The following ADCY9 variants were observed in gnomAD, a reference collection of about 807,000 sequenced individuals.
ADCY9 encodes adenylate cyclase type 9.
In ADCY9, 50 loss-of-function variants were observed where a neutral mutation model predicts 101.5. The observed-to-expected ratio is 0.49, with a 90% CI of 0.39 to 0.62. ADCY9 has a LOEUF of 0.62. Among genes scored for constraint, ADCY9 ranks in the 20% least tolerant of loss-of-function variants. ADCY9 has a pLI of 0.00. For missense variants in ADCY9, 1,662 were observed against 1,800.4 expected, an observed-to-expected ratio of 0.92 and a Z score of 1.39; for synonymous variants, 905 against 769.3, an observed-to-expected ratio of 1.18 and a Z score of -2.92.
chr16:4,047,641 T>C (rs1481266980), intron 2 of ADCY9, among the ~76,000 whole-genome samples: 1 of 152,068 alleles, frequency 6.6e-6, no homozygotes, highest in Non-Finnish European at 1.5e-5. Context: ...TCTGTCTGCA[T>C]GACCAATCAG....
intron 5 of ADCY9, among the ~76,000 whole-genome samples, chr16:3,954,887 G>A (rs1022785492): frequency 1.3e-5 from 2 of 152,162 alleles, no homozygotes; most frequent in Admixed American, 1.3e-4. Flanking sequence ...CGAGGTAGAG[G>A]CTGAGGGGGA....
intron 2 of ADCY9, among the ~76,000 whole-genome samples, chr16:4,016,212 A>G (rs1325029997): frequency 1.3e-5 from 2 of 152,224 alleles, no homozygotes; most frequent in Non-Finnish European, 2.9e-5. Flanking sequence ...AGAAGCAACA[A>G]ATGGCACTTC....
chr16:4,048,292 TA>T (rs2056679222), intron 2 of ADCY9, among the ~76,000 whole-genome samples: 1 of 152,214 alleles, frequency 6.6e-6, no homozygotes, highest in Non-Finnish European at 1.5e-5. Context: ...AAGTCTTTGT[TA>T]AAAGTAACCA....
At chr16:4,090,180 C>T (rs943369873) in intron 2 of ADCY9, among the ~76,000 whole-genome samples, 2 of 152,040 alleles carry the variant, frequency 1.3e-5, no homozygotes, top group African/African-American at 4.8e-5. Flanking sequence ...CTGGAGCAGG[C>T]CCCCCACGCC....
Position 3,965,855 on chromosome 16 carries a change from T to C in ADCY9, c.3982A>G (p.Ile1328Val), listed in dbSNP as rs2055987095. The change falls in exon 11 of 11, where the codon ATA (isoleucine) becomes GTA (valine). Residue 1328 changes from isoleucine (I) to valine (V), a missense_variant. Physicochemically the swap from Ile to Val is conservative, Grantham distance 29. This residue lies in a region of ADCY9 where 168 missense variants were observed against 155.3 expected (regional missense o/e 1.08). Coordinates refer to ENST00000294016, the MANE Select transcript of ADCY9 (RefSeq NM_001116.4). ...GTTTCGTCACAGTCGTCTTTCTCTA[T>C]GGCTTTGCCAAATCGACCCCTTTCT... is the stretch of plus-strand genomic sequence containing the variant. ...AEERGRFGKA[I>V]EKDDCDETGI... 8 of 1,614,234 alleles carry C rather than the reference T, an allele frequency of 5.0e-6. No individual in the cohort carries two copies. Among genetic ancestry groups the C allele is most frequent in the Admixed American group, 1.7e-5 (1 of 60,030 alleles).
chr16:4,021,260 C>T (rs187271464), intron 2 of ADCY9, among the ~76,000 whole-genome samples: 2 of 152,316 alleles, frequency 1.3e-5, no homozygotes, highest in East Asian at 1.9e-4. Context: ...TTAACTAGGC[C>T]TGAAGCCACA....
intron 10 of ADCY9, among the ~76,000 whole-genome samples, chr16:3,968,639 G>A (rs964021754): frequency 6.6e-6 from 1 of 152,062 alleles, no homozygotes; most frequent in African/African-American, 2.4e-5. Context: ...TCCAGCACTC[G>A]GAAATTCTGT....
chr16:3,988,330 T>A (rs2056212208), intron 6 of ADCY9, among the ~76,000 whole-genome samples: 1 of 151,816 alleles, frequency 6.6e-6, no homozygotes, highest in Non-Finnish European at 1.5e-5. Flanking sequence ...TCCTGGGCCC[T>A]TCTCAGGGGA....
At chr16:3,980,192 T>A (rs574613136) in intron 7 of ADCY9, among the ~76,000 whole-genome samples, 37 of 152,360 alleles carry the variant, frequency 2.4e-4, no homozygotes, top group Admixed American at 1.9e-3. Context: ...TAAAAGACTT[T>A]GTCCTTCTAA....
chr16:4,049,767 C>T (rs1375055340), intron 2 of ADCY9, among the ~76,000 whole-genome samples: 1 of 152,126 alleles, frequency 6.6e-6, no homozygotes. Flanking sequence ...TAAGGGAGGC[C>T]TTTTTCTTAG....
chr16:4,040,872 C>G (rs2056622167), intron 2 of ADCY9, among the ~76,000 whole-genome samples: 1 of 152,142 alleles, frequency 6.6e-6, no homozygotes, highest in African/African-American at 2.4e-5. Flanking sequence ...TTGTGTAGTA[C>G]TTTTCATTTC....
At chr16:4,060,028 G>C (rs975983189) in intron 2 of ADCY9, among the ~76,000 whole-genome samples, 1 of 152,204 alleles carries the variant, frequency 6.6e-6, no homozygotes, top group Admixed American at 6.5e-5. Context: ...CATCTACCAG[G>C]GTGGGACGAG....
In ADCY9 at chr16:3,965,940, C is replaced by T. The variant is rs146633008; in HGVS notation, c.3897G>A (p.Thr1299=). The change falls in exon 11 of 11, where the codon ACG becomes ACA. Residue 1299 remains threonine, a synonymous_variant. Coordinates refer to ENST00000294016, the MANE Select transcript of ADCY9 (RefSeq NM_001116.4). ...DKTSLGSDSS[T]QAKDAHLSPK... ...GGGACAGGTGGGCATCCTTGGCCTG[C>T]GTGCTGCTGTCAGAACCCAGAGATG... is the stretch of plus-strand genomic sequence containing the variant. The T allele has an allele frequency of 1.3e-4, 204 of 1,614,182 alleles. 1 individual carries two copies. Among genetic ancestry groups the T allele is most frequent in the East Asian group, 5.3e-4 (24 of 44,874 alleles).
intron 2 of ADCY9, among the ~76,000 whole-genome samples, chr16:4,092,067 A>C (rs1037203712): frequency 2.0e-5 from 3 of 152,236 alleles, no homozygotes; most frequent in African/African-American, 7.2e-5. Context: ...CCAGGAGTAC[A>C]AGGCCAGCCT....
chr16:3,986,337 C>G (rs4786451), intron 6 of ADCY9, among the ~76,000 whole-genome samples: 1 of 152,106 alleles, frequency 6.6e-6, no homozygotes, highest in Admixed American at 6.5e-5. Flanking sequence ...TCCTCCCCAC[C>G]GGGACCCTGT....
intron 2 of ADCY9, among the ~76,000 whole-genome samples, chr16:4,034,860 C>A (rs2056579172): frequency 1.3e-5 from 2 of 152,202 alleles, no homozygotes; most frequent in African/African-American, 4.8e-5. Context: ...ACCTTGCCGG[C>A]TGGAAGCAAG....
At position 4,097,528 on chromosome 16, in the gene ADCY9, CAT is replaced by C. The variant is rs1166805300; in HGVS notation, c.1693+16220_1693+16221del. 8.4e-3 allele frequency among the ~76,000 whole-genome samples: 543 copies of C among 64,492 alleles called. 24 individuals carry two copies. The highest frequency in any genetic ancestry group is 0.013 in the Middle Eastern group (1 of 78). The allele number at this position is 64,492 out of a possible 152,430, so 42.3% of individuals were successfully genotyped here. A position where few individuals can be genotyped will look rare whatever the true frequency, so the allele number is the denominator to read the frequency against. ...ATATATATGTATAAATACATATGTA[CAT>C]ATATATATATATATATATATATATT... On this transcript the variant is annotated intron_variant, in intron 2 of 10. Coordinates refer to ENST00000294016, the MANE Select transcript of ADCY9 (RefSeq NM_001116.4).
intron 2 of ADCY9, among the ~76,000 whole-genome samples, chr16:4,086,308 G>C (rs1284609729): frequency 1.3e-5 from 2 of 152,118 alleles, no homozygotes; most frequent in African/African-American, 2.4e-5. Context: ...CAAGCAAGTG[G>C]AGAATCAGCC....
chr16:4,065,160 T>C (rs1051829003), intron 2 of ADCY9, among the ~76,000 whole-genome samples: 6 of 152,204 alleles, frequency 3.9e-5, no homozygotes, highest in African/African-American at 1.4e-4. Context: ...TCTCTCGTCA[T>C]GTCGTTTGCA....
Sources: gnomAD v4.1 joint callset for allele counts (sites outside exome capture counted in the v4.1 genomes callset) on GRCh38, gnomAD v4.1.1 for gene constraint, gnomAD v4.1.1 regional missense constraint, MANE v1.5 for transcripts, NCBI Gene and HGNC (gene_info 2026-07-23, HGNC 2026-07-21) for gene names.